The following NKTR variants were observed in gnomAD, a reference collection of about 807,000 sequenced individuals.
The protein encoded by NKTR is NK-tumor recognition protein.
NKTR carries 67 observed loss-of-function variants against 156.3 expected under a neutral mutation model. The observed-to-expected ratio is 0.43, with a 90% CI of 0.35 to 0.53. The LOEUF is 0.53. Ranked by LOEUF, NKTR falls within the 20% of genes least tolerant of loss-of-function variation. The pLI is 0.01. For missense variants in NKTR, 1,604 were observed against 1,730.9 expected (o/e 0.93, Z 1.30); for synonymous variants, 640 against 596.6 (o/e 1.07, Z -1.06).
At chr3:42,642,669 G>C in intron 14 of NKTR, 73 bp downstream of exon 14, 2 of 1,043,436 alleles carry the variant, frequency 1.9e-6, no homozygotes, top group Non-Finnish European at 1.5e-6. Flanking sequence ...GGCAGAGGGG[G>C]TAGTTGTTGA....
At position 42,638,648 on chromosome 3, in the gene NKTR, A is replaced by G. The variant is rs952200802; in HGVS notation, c.2944A>G (p.Lys982Glu). ...GCCACAAAAGCACAAACATGGGTCAAAGGAAAATCTTAAAAGAGAACACAC... is the reference window on the plus strand; with the variant it reads ...GCCACAAAAGCACAAACATGGGTCAGAGGAAAATCTTAAAAGAGAACACAC... The part of the protein sequence containing the change: ...GKPQKHKHGS[K>E]ENLKREHTKK... The change falls in exon 13 of 17, where the codon AAG becomes GAG. Residue 982 changes from lysine to glutamate, a missense_variant. By Grantham distance (56) the Lys-to-Glu change is moderately conservative (BLOSUM62 1). Around this residue, in one of 6 missense-constraint regions of NKTR, gnomAD observed 1,255 missense variants for 1,243.7 expected, o/e 1.01. Transcript: ENST00000232978. The G allele has an allele frequency of 8.7e-6, 14 of 1,612,430 alleles. No homozygotes were observed. The African/African-American group carries it at 1.6e-4, about 18-fold the overall frequency.
In NKTR at chr3:42,637,704, G is replaced by C; in HGVS notation, c.2000G>C (p.Arg667Thr). Residue 667 changes from arginine (R) to threonine (T), a missense_variant, in exon 13 of 17, where the codon AGA becomes ACA. Coordinates refer to ENST00000232978, the MANE Select transcript of NKTR (RefSeq NM_005385.4). ...ETGSSSSYHKREKNSESDQST... is the reference protein window; with the variant it reads ...ETGSSSSYHKTEKNSESDQST... ...GGTAGCTCATCATCCTACCATAAAA[G>C]AGAAAAAAATTCGGAAAGTGATCAG... 6.2e-7 allele frequency: 1 copy of C among 1,614,000 alleles called. No homozygotes were observed. Among genetic ancestry groups the C allele is most frequent in the Non-Finnish European group, 8.5e-7 (1 of 1,179,982 alleles).
intron 6 of NKTR, among the ~76,000 whole-genome samples, chr3:42,622,055 T>C (rs1044392411): frequency 6.6e-6 from 1 of 152,060 alleles, no homozygotes; most frequent in African/African-American, 2.4e-5. Flanking sequence ...ACTCATTTTA[T>C]GAGGTCTCCA....
rs768017939 is a variant in NKTR at position 42,634,624 on chromosome 3, A to T, written c.941A>T (p.Asp314Val). ...VTAEPEPKIP[D>V]VAPIVSDQKP... The stretch of plus-strand genomic sequence containing the variant: ...TCTTCTTTTCCTAGGAAGATTCCTG[A>T]TGTTGCACCCATTGTAAGTGATCAG... The change falls in exon 11 of 17, where the codon GAT (aspartate) becomes GTT (valine). Residue 314 changes from aspartate (D) to valine (V), a missense_variant. By Grantham distance (152) the Asp-to-Val change is radical. Around this residue, in one of 6 missense-constraint regions of NKTR, gnomAD observed 1,255 missense variants for 1,243.7 expected, o/e 1.01. Coordinates refer to ENST00000232978, the MANE Select transcript of NKTR (RefSeq NM_005385.4). The T allele has an allele frequency of 7.0e-6, 11 of 1,573,604 alleles. No homozygotes were observed. In the South Asian group the frequency reaches 1.2e-4, roughly 17 times the overall value.
chr3:42,613,079 A>G (rs1369180705), intron 2 of NKTR, among the ~76,000 whole-genome samples: 3 of 152,162 alleles, frequency 2.0e-5, no homozygotes, highest in African/African-American at 7.2e-5. Flanking sequence ...CTCTGGGGAT[A>G]TAGTGGTAAG....
intron 2 of NKTR, among the ~76,000 whole-genome samples, chr3:42,605,416 T>G (rs1410145621): frequency 6.6e-6 from 1 of 152,204 alleles, no homozygotes; most frequent in African/African-American, 2.4e-5. Flanking sequence ...TAGCAAACAT[T>G]GTAAAGTATT....
rs1559601507 is a variant in NKTR at position 42,647,286 on chromosome 3, G to GTGTGTGTT, written c.*1318_*1319insTTGTGTGT. 1 of 113,028 alleles carries GTGTGTGTT rather than the reference G, an allele frequency of 8.8e-6. No homozygotes were observed. Among genetic ancestry groups the GTGTGTGTT allele is most frequent in the African/African-American group, 5.0e-5 (1 of 20,032 alleles). 7.0% of individuals were successfully genotyped at this position (113,028 alleles called of 1,614,324 possible). A position where few individuals can be genotyped will look rare whatever the true frequency, so the allele number is the denominator to read the frequency against. ...AAAACTAGTGTGTGTGTGTGTGTGT[G>GTGTGTGTT]TGTGTGTGTGTGTGTGGTTTTTTTT... On this transcript the variant is annotated 3_prime_UTR_variant, in exon 17 of 17. Transcript: ENST00000232978.
Position 42,648,649 on chromosome 3 carries a change from C to T in NKTR, c.*2674C>T, listed in dbSNP as rs1168541426. The T allele has an allele frequency of 1.3e-5, 2 of 152,618 alleles. No homozygotes were observed. Among genetic ancestry groups the T allele is most frequent in the African/African-American group, 4.8e-5 (2 of 41,454 alleles). The allele number at this position is 152,618 out of a possible 1,614,324, so 9.5% of individuals were successfully genotyped here. A position where few individuals can be genotyped will look rare whatever the true frequency, so the allele number is the denominator to read the frequency against. ...TATAAAATACTTTTGTACATATTAG[C>T]AATGTCTAATTTGTATACACTTCAG... On this transcript the variant is annotated 3_prime_UTR_variant, in exon 17 of 17. Transcript: ENST00000232978.
At chr3:42,616,705 G>A (rs1317655557) in intron 2 of NKTR, among the ~76,000 whole-genome samples, 2 of 152,112 alleles carry the variant, frequency 1.3e-5, no homozygotes, top group Non-Finnish European at 2.9e-5. Context: ...TTTGTTGTAG[G>A]GAAGCATAAC....
At chr3:42,620,521 T>G (rs1707811763) in intron 5 of NKTR, 6 of 984,172 alleles carry the variant, frequency 6.1e-6, no homozygotes, top group Non-Finnish European at 7.2e-6. Context: ...ATATTTCCTT[T>G]GGGGGAAAAT....
chr3:42,608,056 C>T (rs1452235860), intron 2 of NKTR, among the ~76,000 whole-genome samples: 1 of 134,588 alleles, frequency 7.4e-6, no homozygotes, highest in African/African-American at 2.7e-5. Flanking sequence ...ATGGCGCGAT[C>T]TCAGCTCACT....
intron 2 of NKTR, chr3:42,602,300 A>G (rs1227204113): frequency 6.6e-6 from 1 of 152,216 alleles, no homozygotes; most frequent in Non-Finnish European, 1.5e-5. Flanking sequence ...CAAATAGACT[A>G]TATAGCTTAG....
chr3:42,632,836 CACCAATGT>C lies in NKTR; in HGVS notation c.773+16_773+23del. 3.2e-6 allele frequency: 5 copies of C among 1,544,426 alleles called. No individual in the cohort carries two copies. In the Admixed American group the frequency reaches 1.0e-4, roughly 32 times the overall value. On this transcript the variant is annotated intron_variant, in intron 9 of 16. Transcript: ENST00000232978. The stretch of plus-strand genomic sequence containing the variant: ...TGAACCCAAAAGGGTACGTGTAAAA[CACCAATGT>C]ACTCTTACCTAAAAACAAACACTCT...
In NKTR at chr3:42,600,709, G is replaced by T. The variant is rs996588461; in HGVS notation, c.-93G>T. On this transcript the variant is annotated 5_prime_UTR_variant, in exon 1 of 17. Transcript: ENST00000232978. ...GAGACGGCGTTCCGTTAGCGGCGTT[G>T]GGGTTTGGCTGCAGTGGCAGTGCTT... The T allele has an allele frequency of 7.7e-6, 2 of 260,626 alleles. No homozygotes were observed. Among genetic ancestry groups the T allele is most frequent in the Non-Finnish European group, 1.5e-5 (2 of 137,374 alleles). 16.1% of individuals were successfully genotyped at this position (260,626 alleles called of 1,614,324 possible). A position where few individuals can be genotyped will look rare whatever the true frequency, so the allele number is the denominator to read the frequency against.
intron 6 of NKTR, 129 bp from the exon 7 acceptor site, chr3:42,630,417 T>G: frequency 1.3e-6 from 2 of 1,520,678 alleles, no homozygotes; most frequent in South Asian, 2.6e-5. Context: ...ATATATCATG[T>G]TTAACTTTTT....
chr3:42,639,808 G>C, intron 13 of NKTR, 58 bp downstream of exon 13: 1 of 1,172,816 alleles, frequency 8.5e-7, no homozygotes, highest in Non-Finnish European at 1.2e-6. Context: ...TGTTTAGCTT[G>C]GAAGAATATC....
intron 6 of NKTR, chr3:42,627,369 T>C: frequency 1.0e-6 from 1 of 985,624 alleles, no homozygotes; most frequent in Non-Finnish European, 1.2e-6. Flanking sequence ...AACAAGTGCA[T>C]TTTATTTTTC....
chr3:42,601,163 G>A (rs1294513529), intron 2 of NKTR, 99 bp downstream of exon 2: 4 of 995,492 alleles, frequency 4.0e-6, no homozygotes, highest in Non-Finnish European at 5.7e-6. Flanking sequence ...TTTTGGGAGC[G>A]GGTAGGAGGC....
At chr3:42,607,827 A>G (rs1240592692) in intron 2 of NKTR, among the ~76,000 whole-genome samples, 1 of 152,110 alleles carries the variant, frequency 6.6e-6, no homozygotes, top group African/African-American at 2.4e-5. Flanking sequence ...AGATTCTTCA[A>G]AGCCAACTAA....
Sources: allele counts gnomAD v4.1 joint callset (sites outside exome capture counted in the v4.1 genomes callset), GRCh38; gene constraint gnomAD v4.1.1; regional missense constraint gnomAD v4.1.1; transcripts MANE v1.5; gene names NCBI Gene and HGNC (gene_info 2026-07-23, HGNC 2026-07-21).